The following GABBR2 variants were observed in gnomAD, a reference collection of about 807,000 sequenced individuals.
The protein encoded by GABBR2 is G-protein coupled receptor 51.
Under a neutral mutation model 105.6 loss-of-function variants are expected in GABBR2, and 23 were observed. That is an observed-to-expected ratio of 0.22 (90% confidence interval 0.16 to 0.31). GABBR2 has a LOEUF of 0.31. Ranked by LOEUF, GABBR2 falls within the 10% of genes least tolerant of loss-of-function variation. The probability of loss-of-function intolerance (pLI) is 1.00; values close to 1 mark genes in which losing one functional copy is unlikely to be tolerated. For missense variants in GABBR2, 734 were observed against 1,245.5 expected (o/e 0.59, Z 6.18); for synonymous variants, 478 against 499.7 (o/e 0.96, Z 0.58).
chr9:98,575,195 T>G (rs568568509), intron 2 of GABBR2, among the ~76,000 whole-genome samples: 1 of 152,264 alleles, frequency 6.6e-6, no homozygotes, highest in South Asian at 2.1e-4. Context: ...GTGATAGGCT[T>G]TCTAGGGCCC....
chr9:98,405,420 G>A lies in GABBR2; in HGVS notation c.1297+661C>T, dbSNP rs74321655. 6.2e-3 allele frequency among the ~76,000 whole-genome samples: 948 copies of A among 152,200 alleles called. 43 individuals carry two copies. The East Asian group carries it at 0.11, about 17-fold the overall frequency. Reference sequence around the variant, plus strand: ...CACTCCAGCCAGGGCAACATACTGAGACCCTTTCTCTACAAAAAACACCCC... The same window carrying A: ...CACTCCAGCCAGGGCAACATACTGAAACCCTTTCTCTACAAAAAACACCCC... On this transcript the variant is annotated intron_variant, in intron 8 of 18. Transcript: ENST00000259455.
intron 8 of GABBR2, 89 bp from the exon 9 acceptor site, chr9:98,394,344 G>A (rs958084189): frequency 3.5e-6 from 3 of 860,604 alleles, no homozygotes; most frequent in African/African-American, 3.3e-5. Flanking sequence ...TCCCCTCACA[G>A]GCCCTGGATA....
At chr9:98,348,830 T>C (rs1831343475) in intron 13 of GABBR2, among the ~76,000 whole-genome samples, 1 of 152,204 alleles carries the variant, frequency 6.6e-6, no homozygotes, top group Admixed American at 6.5e-5. Flanking sequence ...TGGTGGAGTC[T>C]TTAGGTTTTT....
At chr9:98,470,269 T>C (rs1438047568) in intron 6 of GABBR2, among the ~76,000 whole-genome samples, 1 of 152,170 alleles carries the variant, frequency 6.6e-6, no homozygotes, top group Non-Finnish European at 1.5e-5. Flanking sequence ...GATAAAGACA[T>C]ACCTGAGACT....
intron 3 of GABBR2, among the ~76,000 whole-genome samples, chr9:98,524,864 C>T (rs1827929334): frequency 6.6e-6 from 1 of 151,972 alleles, no homozygotes; most frequent in Non-Finnish European, 1.5e-5. Flanking sequence ...GAAATCCATA[C>T]TACAATGGTC....
At chr9:98,319,962 A>C (rs1035670253) in intron 13 of GABBR2, among the ~76,000 whole-genome samples, 4 of 152,136 alleles carry the variant, frequency 2.6e-5, no homozygotes, top group Non-Finnish European at 5.9e-5. Flanking sequence ...GCAACAAAAG[A>C]CAAAATTGAC....
intron 1 of GABBR2, among the ~76,000 whole-genome samples, chr9:98,592,709 G>A (rs912682130): frequency 2.6e-5 from 4 of 152,214 alleles, no homozygotes; most frequent in African/African-American, 9.6e-5. Flanking sequence ...TTCACCAAGT[G>A]AAGGAATAGA....
At chr9:98,452,138 C>A (rs572357795) in intron 7 of GABBR2, among the ~76,000 whole-genome samples, 2 of 152,186 alleles carry the variant, frequency 1.3e-5, no homozygotes, top group Non-Finnish European at 2.9e-5. Flanking sequence ...TCCACACCTT[C>A]GGCACCTGCA....
chr9:98,480,618 G>C (rs1003968293), intron 5 of GABBR2, among the ~76,000 whole-genome samples: 1 of 152,168 alleles, frequency 6.6e-6, no homozygotes, highest in Non-Finnish European at 1.5e-5. Context: ...CAGGGAGGGG[G>C]TCTGAGTCAC....
intron 1 of GABBR2, among the ~76,000 whole-genome samples, chr9:98,589,711 CTTTTTTTTTTT>C (rs561852717): frequency 1.5e-5 from 2 of 132,732 alleles, no homozygotes; most frequent in African/African-American, 2.8e-5. Context: ...GTTTGGCTGT[CTTTTTTTTTTT>C]TTTTTTTTTA....
intron 3 of GABBR2, among the ~76,000 whole-genome samples, chr9:98,540,282 AC>A (rs1354184822): frequency 4.6e-5 from 7 of 152,138 alleles, no homozygotes; most frequent in African/African-American, 1.7e-4. Flanking sequence ...ACCTCCAAAA[AC>A]AACCCTCTCT....
chr9:98,564,116 T>G (rs984617359), intron 2 of GABBR2, among the ~76,000 whole-genome samples: 10 of 152,166 alleles, frequency 6.6e-5, no homozygotes, highest in Non-Finnish European at 1.5e-4. Flanking sequence ...GTGGGGGTCA[T>G]GAATGATTTA....
chr9:98,415,879 C>T (rs1040296060), intron 7 of GABBR2, among the ~76,000 whole-genome samples: 1 of 152,054 alleles, frequency 6.6e-6, no homozygotes, highest in Non-Finnish European at 1.5e-5. Flanking sequence ...CTCCTGTTTG[C>T]GAGAAGGAGT....
intron 1 of GABBR2, among the ~76,000 whole-genome samples, chr9:98,626,078 C>G (rs1337325594): frequency 6.6e-6 from 1 of 152,164 alleles, no homozygotes; most frequent in East Asian, 1.9e-4. Flanking sequence ...AGCCGTGGGA[C>G]CCACCTGGGT....
At chr9:98,450,871 G>C (rs934994678) in intron 7 of GABBR2, among the ~76,000 whole-genome samples, 1 of 152,184 alleles carries the variant, frequency 6.6e-6, no homozygotes, top group East Asian at 1.9e-4. Context: ...ATGAAAGGGA[G>C]CATTTAGAAG....
intron 7 of GABBR2, among the ~76,000 whole-genome samples, chr9:98,441,307 C>A (rs1826027152): frequency 6.6e-6 from 1 of 151,976 alleles, no homozygotes; most frequent in Non-Finnish European, 1.5e-5. Flanking sequence ...ATAAAATAAG[C>A]TCTCCCATAA....
intron 13 of GABBR2, among the ~76,000 whole-genome samples, chr9:98,322,571 A>T (rs1418573994): frequency 6.6e-6 from 1 of 151,132 alleles, no homozygotes; most frequent in Non-Finnish European, 1.5e-5. Context: ...TCCGGGCCCC[A>T]TGATCCTGGC....
At chr9:98,475,354 AAAAAG>A (rs534830283) in intron 5 of GABBR2, among the ~76,000 whole-genome samples, 45 of 151,884 alleles carry the variant, frequency 3.0e-4, no homozygotes, top group Admixed American at 5.9e-4. Context: ...TTTAAAAAAA[AAAAAG>A]AAAAGAAAAG....
At chr9:98,483,019 C>A (rs747855125) in intron 4 of GABBR2, among the ~76,000 whole-genome samples, 1 of 148,996 alleles carries the variant, frequency 6.7e-6, no homozygotes, top group South Asian at 2.1e-4. Context: ...CCAAATCTCT[C>A]CCCCCAGCCT....
Sources: allele counts gnomAD v4.1 joint callset (sites outside exome capture counted in the v4.1 genomes callset), GRCh38; gene constraint gnomAD v4.1.1; transcripts MANE v1.5; gene names NCBI Gene and HGNC (gene_info 2026-07-23, HGNC 2026-07-21).